FILIP1L: variants seen among roughly 807,000 people sequenced by gnomAD.
The protein encoded by FILIP1L is filamin A interacting protein 1 like.
Under a neutral mutation model 96.6 loss-of-function variants are expected in FILIP1L, and 55 were observed. The ratio of observed to expected loss-of-function variants is 0.57; its 90% confidence interval spans 0.46 to 0.71. The LOEUF is 0.71. FILIP1L is among the 30% of genes least tolerant of loss of function. The probability of loss-of-function intolerance (pLI) is 0.00; values close to 1 mark genes in which losing one functional copy is unlikely to be tolerated. For missense variants in FILIP1L, 1,304 were observed against 1,321.2 expected (o/e 0.99, Z 0.20); for synonymous variants, 467 against 473.9 (o/e 0.99, Z 0.19).
intron 1 of FILIP1L, among the ~76,000 whole-genome samples, chr3:99,989,681 TA>T (rs371022627): frequency 0.6 from 89,053 of 147,202 alleles, 27,157 homozygotes; most frequent in East Asian, 0.72. Flanking sequence ...TATATATATA[TA>T]TATTTTTTTT....
intron 1 of FILIP1L, among the ~76,000 whole-genome samples, chr3:100,030,835 A>G (rs1196544825): frequency 1.3e-5 from 2 of 152,196 alleles, no homozygotes; most frequent in Non-Finnish European, 2.9e-5. Context: ...TTATAACCTA[A>G]TAAGGTATAA....
intron 1 of FILIP1L, among the ~76,000 whole-genome samples, chr3:99,970,131 G>A (rs1475482889): frequency 6.6e-6 from 1 of 152,154 alleles, no homozygotes; most frequent in Non-Finnish European, 1.5e-5. Context: ...CTCATACTTT[G>A]CGTGCATTAA....
chr3:99,992,290 G>T (rs1709547021), intron 1 of FILIP1L, among the ~76,000 whole-genome samples: 1 of 152,040 alleles, frequency 6.6e-6, no homozygotes, highest in Admixed American at 6.6e-5. Flanking sequence ...CCCATCAACA[G>T]TATATAAGTG....
At chr3:99,988,061 T>A (rs1424623868) in intron 1 of FILIP1L, among the ~76,000 whole-genome samples, 2 of 152,222 alleles carry the variant, frequency 1.3e-5, no homozygotes, top group Admixed American at 1.3e-4. Context: ...GTAATTTCAT[T>A]GCTTGTCAAT....
chr3:99,862,545 G>A (rs1944314763), intron 4 of FILIP1L, among the ~76,000 whole-genome samples: 1 of 152,154 alleles, frequency 6.6e-6, no homozygotes, highest in Non-Finnish European at 1.5e-5. Flanking sequence ...GTACACTGTA[G>A]GGTGTTTAGC....
chr3:100,094,321 T>C (rs2107441803), intron 1 of FILIP1L, among the ~76,000 whole-genome samples: 1 of 152,310 alleles, frequency 6.6e-6, no homozygotes, highest in East Asian at 1.9e-4. Flanking sequence ...CTTATATTTT[T>C]TAAATGGTTG....
chr3:99,875,589 A>C (rs1705470899), intron 4 of FILIP1L, among the ~76,000 whole-genome samples: 1 of 152,188 alleles, frequency 6.6e-6, no homozygotes, highest in Admixed American at 6.5e-5. Flanking sequence ...TCTTAATTCC[A>C]AGATGTATTC....
chr3:99,915,650 G>C (rs946315291), intron 4 of FILIP1L, among the ~76,000 whole-genome samples: 1 of 152,034 alleles, frequency 6.6e-6, no homozygotes, highest in Admixed American at 6.6e-5. Context: ...AAAGTTCACA[G>C]AGCACTGTCT....
At chr3:100,016,852 T>A (rs1349264527) in intron 1 of FILIP1L, among the ~76,000 whole-genome samples, 1 of 152,262 alleles carries the variant, frequency 6.6e-6, no homozygotes, top group Non-Finnish European at 1.5e-5. Flanking sequence ...TTTCATGACA[T>A]CTTAGTCTAT....
intron 1 of FILIP1L, among the ~76,000 whole-genome samples, chr3:100,063,631 AT>A (rs1219662377): frequency 1.3e-5 from 2 of 152,190 alleles, no homozygotes; most frequent in African/African-American, 4.8e-5. Flanking sequence ...TATTTTAAGG[AT>A]TATTTTAATC....
At chr3:100,052,403 AGTG>A (rs1277151846) in intron 1 of FILIP1L, among the ~76,000 whole-genome samples, 8 of 152,198 alleles carry the variant, frequency 5.3e-5, no homozygotes, top group Non-Finnish European at 1.0e-4. Context: ...GAGGGGTAGT[AGTG>A]GTGGTGATGG....
chr3:100,021,956 TGTGTGAGA>T (rs1280201017), intron 1 of FILIP1L, among the ~76,000 whole-genome samples: 357 of 94,442 alleles, frequency 3.8e-3, no homozygotes, highest in East Asian at 9.4e-3. Context: ...TGTGTGTGTG[TGTGTGAGA>T]GAGAGAGAGA....
chr3:100,038,512 C>T (rs1270998175), intron 1 of FILIP1L, among the ~76,000 whole-genome samples: 1 of 152,000 alleles, frequency 6.6e-6, no homozygotes, highest in African/African-American at 2.4e-5. Context: ...ATTGACTGTT[C>T]GGTTTAATTT....
chr3:99,911,017 A>AGTTG (rs1252811756), intron 4 of FILIP1L, among the ~76,000 whole-genome samples: 1 of 152,062 alleles, frequency 6.6e-6, no homozygotes, highest in African/African-American at 2.4e-5. Context: ...TCTCTTTTCC[A>AGTTG]GTTGGTTATA....
chr3:100,042,407 G>A (rs964784728), intron 1 of FILIP1L, among the ~76,000 whole-genome samples: 14 of 152,152 alleles, frequency 9.2e-5, no homozygotes, highest in Non-Finnish European at 1.0e-4. Flanking sequence ...TGTTTCGTCA[G>A]CTAGCCTGTG....
intron 5 of FILIP1L, among the ~76,000 whole-genome samples, chr3:99,837,125 A>G (rs183460187): frequency 6.6e-6 from 1 of 152,220 alleles, no homozygotes; most frequent in Admixed American, 6.5e-5. Context: ...ATTAATACAT[A>G]CTCTTATAAT....
At chr3:99,844,232 A>T (rs548348514) in intron 5 of FILIP1L, among the ~76,000 whole-genome samples, 61 of 152,316 alleles carry the variant, frequency 4.0e-4, no homozygotes, top group African/African-American at 1.4e-3. Flanking sequence ...AGAGTTTGTT[A>T]AAATGCAGCT....
chr3:100,028,314 T>C (rs6798655), intron 1 of FILIP1L, among the ~76,000 whole-genome samples: 140,767 of 152,260 alleles, frequency 0.92, 65,182 homozygotes, highest in African/African-American at 0.98. Flanking sequence ...TCAGCCTTTG[T>C]TCTTACTTAG....
chr3:99,945,819 G>A (rs1462367876), intron 1 of FILIP1L, among the ~76,000 whole-genome samples: 1 of 152,188 alleles, frequency 6.6e-6, no homozygotes, highest in African/African-American at 2.4e-5. Flanking sequence ...TTTTTAAAAA[G>A]AGAAACCCTG....
Sources: allele counts gnomAD v4.1 joint callset (sites outside exome capture counted in the v4.1 genomes callset), GRCh38; gene constraint gnomAD v4.1.1; transcripts MANE v1.5; gene names NCBI Gene and HGNC (gene_info 2026-07-23, HGNC 2026-07-21).